FRMD3: variants seen among roughly 807,000 people sequenced by gnomAD.
The protein encoded by FRMD3 is FERM domain-containing protein 3.
FRMD3 carries 33 observed loss-of-function variants against 70.2 expected under a neutral mutation model. The observed-to-expected ratio is 0.47, with a 90% CI of 0.36 to 0.63. The LOEUF is 0.63. Ranked by LOEUF, FRMD3 falls within the 20% of genes least tolerant of loss-of-function variation. The pLI is 0.00. For synonymous variants in FRMD3, 279 were observed against 255.9 expected (o/e 1.09, Z -0.86); for missense variants, 632 against 711.4 (o/e 0.89, Z 1.27).
At chr9:83,283,510 G>A (rs111526532) in intron 13 of FRMD3, among the ~76,000 whole-genome samples, 4,194 of 144,764 alleles carry the variant, frequency 0.029, 122 homozygotes, top group African/African-American at 0.079. Context: ...CAGCCTGGGC[G>A]ACAGAGCGAG....
intron 1 of FRMD3, among the ~76,000 whole-genome samples, chr9:83,391,547 C>G (rs1327849817): frequency 3.9e-5 from 6 of 152,166 alleles, no homozygotes; most frequent in Admixed American, 3.9e-4. Flanking sequence ...TGGGATTGAG[C>G]AGGCCTTGAT....
intron 5 of FRMD3, among the ~76,000 whole-genome samples, chr9:83,342,508 A>G (rs1022047654): frequency 3.3e-5 from 5 of 152,194 alleles, no homozygotes; most frequent in Admixed American, 6.5e-5. Context: ...TAACTTATCC[A>G]TGGTGAACCA....
the FRMD3 span, among the ~76,000 whole-genome samples, chr9:83,573,738 T>TTCTCTC: frequency 2.6e-3 from 383 of 146,236 alleles, 2 homozygotes; most frequent in Non-Finnish European, 2.0e-3. Context: ...AAAAGAACGA[T>TTCTCTC]TCTCTCTCTC....
chr9:83,409,894 A>G (rs894480877), intron 1 of FRMD3, among the ~76,000 whole-genome samples: 2 of 152,164 alleles, frequency 1.3e-5, no homozygotes, highest in Non-Finnish European at 2.9e-5. Context: ...CCGTTTTCCA[A>G]CCAACCGGTC....
chr9:83,487,613 G>A (rs1282528619), intron 1 of FRMD3, among the ~76,000 whole-genome samples: 1 of 152,170 alleles, frequency 6.6e-6, no homozygotes, highest in Non-Finnish European at 1.5e-5. Context: ...GCCAGCCCTA[G>A]CCAGTTCCTG....
intron 1 of FRMD3, among the ~76,000 whole-genome samples, chr9:83,452,189 T>C (rs925128748): frequency 1.3e-5 from 2 of 152,176 alleles, no homozygotes; most frequent in Admixed American, 1.3e-4. Flanking sequence ...ACGCTCCGTA[T>C]GTACACACTA....
intron 2 of FRMD3, among the ~76,000 whole-genome samples, chr9:83,378,094 T>C (rs1012089021): frequency 1.4e-4 from 22 of 152,146 alleles, no homozygotes; most frequent in Non-Finnish European, 2.9e-4. Context: ...TACAGCATCA[T>C]GGAGAAGTTT....
At chr9:83,555,621 A>C in the FRMD3 span, among the ~76,000 whole-genome samples, 1 of 152,300 alleles carries the variant, frequency 6.6e-6, no homozygotes, top group South Asian at 2.1e-4. Flanking sequence ...AGTGTCATGG[A>C]ATTAGGGCCT....
intron 1 of FRMD3, among the ~76,000 whole-genome samples, chr9:83,394,470 A>G (rs1435350307): frequency 6.6e-6 from 1 of 152,208 alleles, no homozygotes; most frequent in Admixed American, 6.5e-5. Flanking sequence ...TAAACTCTAC[A>G]TAATGCAGTC....
chr9:83,382,068 G>GT (rs1482657051), intron 2 of FRMD3, among the ~76,000 whole-genome samples: 5 of 151,642 alleles, frequency 3.3e-5, no homozygotes, highest in Admixed American at 3.3e-4. Flanking sequence ...AAAAAAACAT[G>GT]TATTACTATT....
chr9:83,334,750 G>C (rs1823520661), intron 6 of FRMD3, among the ~76,000 whole-genome samples: 1 of 152,142 alleles, frequency 6.6e-6, no homozygotes, highest in Non-Finnish European at 1.5e-5. Context: ...AGCCCATGTA[G>C]AGTGTAACCA....
intron 13 of FRMD3, among the ~76,000 whole-genome samples, chr9:83,257,705 T>C (rs1309778150): frequency 2.0e-5 from 3 of 152,030 alleles, no homozygotes; most frequent in African/African-American, 4.8e-5. Flanking sequence ...ATTAGTAAGA[T>C]TGTCTACACT....
the FRMD3 span, among the ~76,000 whole-genome samples, chr9:83,584,179 C>CA: frequency 2.0e-5 from 3 of 151,942 alleles, no homozygotes; most frequent in South Asian, 2.1e-4. Context: ...ACTAAAAATA[C>CA]AAAAAAATTA....
chr9:83,321,299 T>C (rs140783142), intron 6 of FRMD3, among the ~76,000 whole-genome samples: 1 of 152,304 alleles, frequency 6.6e-6, no homozygotes, highest in Non-Finnish European at 1.5e-5. Flanking sequence ...TTTCTACTTT[T>C]TTGATGTAGG....
At chr9:83,475,536 C>T (rs1396145996) in intron 1 of FRMD3, among the ~76,000 whole-genome samples, 1 of 152,038 alleles carries the variant, frequency 6.6e-6, no homozygotes, top group Non-Finnish European at 1.5e-5. Context: ...GTATTGAGTA[C>T]ATGAAGCAGG....
At chr9:83,518,886 C>T (rs772000034) in intron 1 of FRMD3, among the ~76,000 whole-genome samples, 47 of 152,140 alleles carry the variant, frequency 3.1e-4, no homozygotes, top group East Asian at 3.9e-4. Context: ...AAACAAGCAA[C>T]GGGGAAAGGA....
chr9:83,416,786 T>TCTCTCTCTCTCTCTCTCTCTCTCC (rs1220396275), intron 1 of FRMD3, among the ~76,000 whole-genome samples: 1 of 58,286 alleles, frequency 1.7e-5, no homozygotes, highest in African/African-American at 9.3e-5. Context: ...TCTCTCTCTC[T>TCTCTCTCTCTCTCTCTCTCTCTCC]CACTCTCTCT....
intron 1 of FRMD3, among the ~76,000 whole-genome samples, chr9:83,425,493 G>A (rs530377636): frequency 6.6e-6 from 1 of 152,260 alleles, no homozygotes; most frequent in Non-Finnish European, 1.5e-5. Flanking sequence ...AACTGGCCCG[G>A]GGAAACCTGT....
downstream of FRMD3, among the ~76,000 whole-genome samples, chr9:83,243,414 G>A (rs1831945283): frequency 6.6e-6 from 1 of 152,218 alleles, no homozygotes; most frequent in Non-Finnish European, 1.5e-5. Context: ...TTTTCTCCAG[G>A]GTGGGAATGT....
Sources: gnomAD v4.1 joint callset for allele counts (sites outside exome capture counted in the v4.1 genomes callset) on GRCh38, gnomAD v4.1.1 for gene constraint, MANE v1.5 for transcripts, NCBI Gene and HGNC (gene_info 2026-07-23, HGNC 2026-07-21) for gene names.